PDXDC1: variants seen among roughly 807,000 people sequenced by gnomAD.
The protein encoded by PDXDC1 is pyridoxal dependent decarboxylase domain containing 1, also known as pyridoxal-dependent decarboxylase domain-containing protein 1.
A neutral mutation model predicts 100.1 loss-of-function variants in PDXDC1; 42 were observed. The observed-to-expected ratio is 0.42, with a 90% confidence interval of 0.33 to 0.54. The LOEUF (loss-of-function observed/expected upper bound fraction) is 0.54, where lower values mean the gene tolerates loss of function less well. PDXDC1 is among the 20% of genes least tolerant of loss of function. The pLI is 0.10. For missense variants in PDXDC1, 636 were observed against 979.2 expected, an observed-to-expected ratio of 0.65 and a Z score of 4.68; for synonymous variants, 260 against 371.7, an observed-to-expected ratio of 0.70 and a Z score of 3.46.
chr16:15,133,836 G>A, intron 16 of PDXDC1: 3 of 1,578,420 alleles, frequency 1.9e-6, no homozygotes, highest in South Asian at 2.3e-5. Context: ...GGCGTGCACA[G>A]CGCCCAGTGG....
intron 11 of PDXDC1, among the ~76,000 whole-genome samples, chr16:15,018,469 G>A (rs548977001): frequency 8.9e-4 from 136 of 152,394 alleles, no homozygotes; most frequent in African/African-American, 3.2e-3. Context: ...TGCAAAATAA[G>A]GTTTAAGTGA....
At chr16:15,105,038 A>G (rs1180782791) in intron 16 of PDXDC1, among the ~76,000 whole-genome samples, 2 of 144,412 alleles carry the variant, frequency 1.4e-5, no homozygotes, top group African/African-American at 5.1e-5. Flanking sequence ...CAGGGAAGAC[A>G]GAGTCATAAC....
At chr16:15,038,650 C>A (rs370043410), downstream of PDXDC1, 1 of 1,606,014 alleles carries the variant, frequency 6.2e-7, no homozygotes, top group Non-Finnish European at 8.5e-7. Flanking sequence ...CGGTCCTATA[C>A]GAAGTTGTTC....
At chr16:15,129,525 G>A (rs546014245) in intron 16 of PDXDC1, among the ~76,000 whole-genome samples, 13 of 152,340 alleles carry the variant, frequency 8.5e-5, no homozygotes, top group Admixed American at 5.9e-4. Context: ...AAACAGCCAC[G>A]GGGAGGGTGC....
At chr16:15,129,097 G>A (rs79162068) in intron 16 of PDXDC1, among the ~76,000 whole-genome samples, 1 of 151,812 alleles carries the variant, frequency 6.6e-6, no homozygotes, top group Admixed American at 6.6e-5. Flanking sequence ...GAGCCACCGC[G>A]CCCGGCCGAC....
At chr16:15,128,265 G>A in intron 16 of PDXDC1, 10 of 1,611,020 alleles carry the variant, frequency 6.2e-6, no homozygotes, top group Non-Finnish European at 8.5e-6. Flanking sequence ...TACCCAGGCT[G>A]TGCGGGGTGG....
intron 1 of PDXDC1, chr16:14,989,048 G>GC (rs1428096105): frequency 6.2e-7 from 1 of 1,614,134 alleles, no homozygotes; most frequent in Non-Finnish European, 8.5e-7. Flanking sequence ...GGGCTGGCGA[G>GC]CAGGAGAGCA....
intron 16 of PDXDC1, among the ~76,000 whole-genome samples, chr16:15,050,085 A>G (rs1470987997): frequency 6.6e-6 from 1 of 152,210 alleles, no homozygotes; most frequent in East Asian, 1.9e-4. Flanking sequence ...TTAGAATACA[A>G]AAACAAAATG....
intron 16 of PDXDC1, among the ~76,000 whole-genome samples, chr16:15,097,139 G>A (rs561683201): frequency 5.9e-5 from 9 of 152,006 alleles, no homozygotes; most frequent in East Asian, 1.9e-4. Flanking sequence ...ATGGTGGCAC[G>A]TGCCTGTAGT....
intron 16 of PDXDC1, among the ~76,000 whole-genome samples, chr16:15,051,275 C>T (rs1412296504): frequency 6.6e-6 from 1 of 152,226 alleles, no homozygotes; most frequent in Non-Finnish European, 1.5e-5. Context: ...ACAGCTCCTA[C>T]GATTTCCCAA....
chr16:15,063,179 A>G (rs1187768928), intron 16 of PDXDC1: 10 of 1,528,670 alleles, frequency 6.5e-6, no homozygotes, highest in Non-Finnish European at 8.2e-6. Context: ...AGTGTGCTCA[A>G]TCAATCACAA....
At chr16:15,043,346 C>CT (rs2043910298) in intron 16 of PDXDC1, among the ~76,000 whole-genome samples, 2 of 152,164 alleles carry the variant, frequency 1.3e-5, no homozygotes, top group South Asian at 4.1e-4. Context: ...GGATATGAAC[C>CT]TTTTTTAAGA....
chr16:15,088,078 T>C (rs957619662), intron 16 of PDXDC1, among the ~76,000 whole-genome samples: 4 of 151,726 alleles, frequency 2.6e-5, no homozygotes, highest in East Asian at 1.9e-4. Flanking sequence ...ATCATGCCAC[T>C]GCACTCCAGC....
intron 16 of PDXDC1, among the ~76,000 whole-genome samples, chr16:15,095,506 T>G (rs528993773): frequency 1.8e-4 from 27 of 152,290 alleles, no homozygotes; most frequent in Non-Finnish European, 5.9e-5. Flanking sequence ...CACTCCTGCT[T>G]GGGCAACAGA....
chr16:15,035,614 G>C, intron 22 of PDXDC1, 61 bp downstream of exon 22: 1 of 971,104 alleles, frequency 1.0e-6, no homozygotes, highest in East Asian at 2.7e-5. Context: ...TGTTACTTGC[G>C]TTTGTTTTCT....
At chr16:15,133,671 G>A in intron 16 of PDXDC1, 2 of 1,580,102 alleles carry the variant, frequency 1.3e-6, no homozygotes, top group Non-Finnish European at 1.7e-6. Context: ...GCGTACACCA[G>A]CGGGGCGCCA....
intron 16 of PDXDC1, among the ~76,000 whole-genome samples, chr16:15,055,292 C>T (rs995676957): frequency 6.6e-6 from 1 of 152,204 alleles, no homozygotes; most frequent in Non-Finnish European, 1.5e-5. Flanking sequence ...AAAACAAAAC[C>T]CGTGCATCAG....
intron 16 of PDXDC1, chr16:15,055,864 C>G: frequency 8.4e-7 from 1 of 1,190,986 alleles, no homozygotes; most frequent in Non-Finnish European, 1.1e-6. Flanking sequence ...GGGCCCGCCC[C>G]GAAGCCCCGC....
intron 16 of PDXDC1, chr16:15,132,698 G>T: frequency 1.2e-6 from 1 of 844,766 alleles, no homozygotes; most frequent in Non-Finnish European, 2.0e-6. Context: ...GCGGGGCGGG[G>T]TGAGCATGTG....
Sources: gnomAD v4.1 joint callset for allele counts (sites outside exome capture counted in the v4.1 genomes callset) on GRCh38, gnomAD v4.1.1 for gene constraint, MANE v1.5 for transcripts, NCBI Gene and HGNC (gene_info 2026-07-23, HGNC 2026-07-21) for gene names.